PITPNM2: variants seen among roughly 807,000 people sequenced by gnomAD.
The protein encoded by PITPNM2 is phosphatidylinositol transfer protein membrane associated 2.
Under a neutral mutation model 132.2 loss-of-function variants are expected in PITPNM2, and 35 were observed. The observed-to-expected ratio is 0.26, with a 90% CI of 0.20 to 0.35. PITPNM2 has a LOEUF of 0.35. Ranked by LOEUF, PITPNM2 falls within the 10% of genes least tolerant of loss-of-function variation. The pLI is 1.00. For synonymous variants in PITPNM2, 738 were observed against 799.2 expected (o/e 0.92, Z 1.29); for missense variants, 1,332 against 1,912.0 (o/e 0.70, Z 5.66).
rs1464399333 is a variant in PITPNM2 at position 123,004,741 on chromosome 12, A to C, written c.953-252T>G. ...ATGGGTGGGGAAGAGCATGACAGAC[A>C]TAAGCCCAGGACGTGGGGTAAGACA... On this transcript the variant is annotated intron_variant, in intron 7 of 25. Coordinates refer to ENST00000320201, the MANE Select transcript of PITPNM2 (RefSeq NM_020845.3). This position sits in a 1 kb window ranked among gnomAD's most constrained non-coding sequence, Gnocchi z 4.9. 18 of 599,308 alleles carry C rather than the reference A, an allele frequency of 3.0e-5. No homozygotes were observed. In the East Asian group the frequency reaches 5.0e-4, roughly 17 times the overall value. The allele number at this position is 599,308 out of a possible 1,614,324, so 37.1% of individuals were successfully genotyped here.
intron 3 of PITPNM2, among the ~76,000 whole-genome samples, chr12:123,029,641 A>ATGTG (rs10532248): frequency 1.3e-5 from 2 of 151,168 alleles, no homozygotes; most frequent in African/African-American, 4.9e-5. Flanking sequence ...CTTGTGGTGT[A>ATGTG]TGTGTGTGTG....
At chr12:123,142,852 C>CA in intron 1 of PITPNM2, among the ~76,000 whole-genome samples, 1 of 141,634 alleles carries the variant, frequency 7.1e-6, no homozygotes. Flanking sequence ...ATTCTAATTG[C>CA]AAAAAATGTT....
Position 123,139,816 on chromosome 12 carries a change from G to A in PITPNM2, c.-200+10937C>T, listed in dbSNP as rs114471024. ...GAGACCTCATTGTTTGCTTTCTGGG[G>A]AATCCCTGTCCATCCCAGAGGCCAA... On this transcript the variant is annotated intron_variant, in intron 1 of 25. Coordinates refer to ENST00000320201, the MANE Select transcript of PITPNM2 (RefSeq NM_020845.3). 3.0e-3 allele frequency among the ~76,000 whole-genome samples: 460 copies of A among 152,288 alleles called. 4 individuals carry two copies. Among genetic ancestry groups the A allele is most frequent in the African/African-American group, 0.01 (427 of 41,552 alleles).
chr12:123,123,392 G>T (rs937485160), intron 1 of PITPNM2, among the ~76,000 whole-genome samples: 3 of 152,176 alleles, frequency 2.0e-5, no homozygotes, highest in Non-Finnish European at 4.4e-5. Context: ...TGAGAGGACT[G>T]CTTGAAGCCA....
chr12:122,994,770 A>G lies in PITPNM2; in HGVS notation c.2233+31T>C. On this transcript the variant is annotated intron_variant, in intron 15 of 25. Transcript: ENST00000320201. The surrounding 1 kb of genome is among the most constrained non-coding windows in gnomAD (Gnocchi z 5.4). The stretch of plus-strand genomic sequence containing the variant: ...CCCCGCCCCCGCACCCAGTGCATGT[A>G]CCCCCCATCCTGCCCCTGCTGGGCT... 6.3e-7 allele frequency: 1 copy of G among 1,591,926 alleles called. No individual in the cohort carries two copies. The highest frequency in any genetic ancestry group is 8.5e-7 in the Non-Finnish European group (1 of 1,172,026).
rs2037951228 is a variant in PITPNM2 at position 122,986,736 on chromosome 12, G to A, written c.3507C>T (p.Asn1169=). 1.9e-6 allele frequency: 3 copies of A among 1,613,456 alleles called. No individual in the cohort carries two copies. The highest frequency in any genetic ancestry group is 2.7e-5 in the African/African-American group (2 of 74,954). The change falls in exon 24 of 26, where the codon AAC becomes AAT. Residue 1169 remains asparagine, a synonymous_variant. Coordinates refer to ENST00000320201, the MANE Select transcript of PITPNM2 (RefSeq NM_020845.3). ...QRVVAWLAQH[N]FPHGVVSFCD... is the part of the protein sequence containing the mutation. The stretch of plus-strand genomic sequence containing the variant: ...AGAAGGACACCACGCCATGGGGGAA[G>A]TTGTGCTGGGCCAGCCACGCCACCA...
At chr12:123,002,570 A>C (rs2038744175) in intron 8 of PITPNM2, among the ~76,000 whole-genome samples, 1 of 151,954 alleles carries the variant, frequency 6.6e-6, no homozygotes, top group Non-Finnish European at 1.5e-5. Flanking sequence ...GCGCCACGAC[A>C]CTTGGCTAAT....
At chr12:123,017,369 CAAA>C (rs369237271) in intron 3 of PITPNM2, among the ~76,000 whole-genome samples, 3 of 90,674 alleles carry the variant, frequency 3.3e-5, no homozygotes, top group Non-Finnish European at 2.4e-5. Context: ...GACTCCATCT[CAAA>C]AAAAAAAAAA....
At chr12:123,084,727 TA>T (rs1481666631) in intron 2 of PITPNM2, 1 of 152,180 alleles carries the variant, frequency 6.6e-6, no homozygotes, top group African/African-American at 2.4e-5. Context: ...AAAACAAGAA[TA>T]AATCAGTTCT....
At chr12:123,067,726 G>A (rs2041473456) in intron 2 of PITPNM2, among the ~76,000 whole-genome samples, 1 of 152,204 alleles carries the variant, frequency 6.6e-6, no homozygotes, top group Non-Finnish European at 1.5e-5. Context: ...AATTTCTGCT[G>A]TTTAGGCCAT....
rs2041348225 is a variant in PITPNM2 at position 123,064,416 on chromosome 12, G to T, written c.-95-29731C>A. 2.0e-5 allele frequency among the ~76,000 whole-genome samples: 3 copies of T among 152,246 alleles called. No homozygotes were observed. The highest frequency in any genetic ancestry group is 2.0e-4 in the Admixed American group (3 of 15,290). ...CTCAGCCACCACGGGGCACAGGTATGTGCAGGAGCATCAAGACCTGGGCTG... is the reference window on the plus strand; with the variant it reads ...CTCAGCCACCACGGGGCACAGGTATTTGCAGGAGCATCAAGACCTGGGCTG... On this transcript the variant is annotated intron_variant, in intron 2 of 25. Transcript: ENST00000320201. The surrounding 1 kb of genome is among the most constrained non-coding windows in gnomAD (Gnocchi z 4.0).
intron 2 of PITPNM2, among the ~76,000 whole-genome samples, chr12:123,085,538 G>A (rs2137053503): frequency 6.6e-6 from 1 of 152,258 alleles, no homozygotes; most frequent in East Asian, 1.9e-4. Context: ...GTTAGTTAAT[G>A]GGTGCAGTTT....
intron 2 of PITPNM2, among the ~76,000 whole-genome samples, chr12:123,038,516 G>C (rs996453808): frequency 2.6e-5 from 4 of 152,228 alleles, no homozygotes; most frequent in African/African-American, 9.6e-5. Context: ...ATGAAAACAA[G>C]ATAAGTTGCT....
chr12:122,997,542 G>T lies in PITPNM2; in HGVS notation c.1255C>A (p.Pro419Thr). ...AGTAGCAGCACGTGGATCTTGGAGGGCGGTGCAGCCAGCGGCTGGCTAACC... is the reference window on the plus strand; with the variant it reads ...AGTAGCAGCACGTGGATCTTGGAGGTCGGTGCAGCCAGCGGCTGGCTAACC... ...DEVSQPLAAP[P>T]SKIHVLLLVL... Residue 419 changes from proline (P) to threonine (T), a missense_variant, in exon 11 of 26, where the codon CCC becomes ACC. By Grantham distance (38) the Pro-to-Thr change is conservative (BLOSUM62 -1). Coordinates refer to ENST00000320201, the MANE Select transcript of PITPNM2 (RefSeq NM_020845.3). 1 of 1,612,602 alleles carries T rather than the reference G, an allele frequency of 6.2e-7. No individual in the cohort carries two copies. The highest frequency in any genetic ancestry group is 8.5e-7 in the Non-Finnish European group (1 of 1,179,352).
rs2042776214 is a variant in PITPNM2, at chr12:123,108,844, G to A, written c.-96+1541C>T. Among the ~76,000 whole-genome samples, 1 of 152,130 alleles carries A rather than the reference G, an allele frequency of 6.6e-6. No homozygotes were observed. Among genetic ancestry groups the A allele is most frequent in the African/African-American group, 2.4e-5 (1 of 41,434 alleles). On this transcript the variant is annotated intron_variant, in intron 2 of 25. Coordinates refer to ENST00000320201, the MANE Select transcript of PITPNM2 (RefSeq NM_020845.3). The surrounding 1 kb of genome is among the most constrained non-coding windows in gnomAD (Gnocchi z 4.4). ...AGCAAGGATGAGGGCACCCGGAGAA[G>A]GGAAGGGACTTACCCGAGATCAGAC... is the stretch of plus-strand genomic sequence containing the variant.
At position 122,986,449 on chromosome 12, in the gene PITPNM2, T is replaced by A. The variant is rs1453637221; in HGVS notation, c.3713A>T (p.Gln1238Leu). The A allele has an allele frequency of 6.4e-7, 1 of 1,574,406 alleles. No individual in the cohort carries two copies. Among genetic ancestry groups the A allele is most frequent in the South Asian group, 1.2e-5 (1 of 86,338 alleles). ...YIVGRPTKKLQQQCQFITDGY... is the reference protein window; with the variant it reads ...YIVGRPTKKLLQQCQFITDGY... The stretch of plus-strand genomic sequence containing the variant: ...GCGCCCACTCACCTGGCACTGCTGC[T>A]GCAGCTTCTTGGTGGGCCGGCCCAC... The change falls in exon 25 of 26, where the codon CAG becomes CTG. Residue 1238 changes from glutamine to leucine, a missense_variant. Gln to Leu is a moderately radical substitution (Grantham distance 113, BLOSUM62 -2). Coordinates refer to ENST00000320201, the MANE Select transcript of PITPNM2 (RefSeq NM_020845.3).
intron 2 of PITPNM2, among the ~76,000 whole-genome samples, chr12:123,049,292 C>T (rs143096918): frequency 3.3e-5 from 5 of 152,294 alleles, no homozygotes; most frequent in East Asian, 1.9e-4. Context: ...ATGCCTAGGA[C>T]GCCCTTCACC....
At chr12:123,130,707 G>A (rs1020788219) in intron 1 of PITPNM2, among the ~76,000 whole-genome samples, 1 of 152,170 alleles carries the variant, frequency 6.6e-6, no homozygotes, top group Non-Finnish European at 1.5e-5. Context: ...GTGAACCCAG[G>A]AGGCGGAGCT....
In PITPNM2 at chr12:123,108,811, A is replaced by G. The variant is rs1023879654; in HGVS notation, c.-96+1574T>C. 6.6e-6 allele frequency among the ~76,000 whole-genome samples: 1 copy of G among 152,294 alleles called. No individual in the cohort carries two copies. The highest frequency in any genetic ancestry group is 3.4e-3 in the Middle Eastern group (1 of 294). On this transcript the variant is annotated intron_variant, in intron 2 of 25. Transcript: ENST00000320201. The surrounding 1 kb of genome is among the most constrained non-coding windows in gnomAD (Gnocchi z 4.4). ...AAGAGGCCCCATCACAACGTGCCCT[A>G]TCTTCCCAGCAAGGATGAGGGCACC...
Sources: gnomAD v4.1 joint callset for allele counts (sites outside exome capture counted in the v4.1 genomes callset) on GRCh38, gnomAD v4.1.1 for gene constraint, Gnocchi (gnomAD v3.1) non-coding constraint, MANE v1.5 for transcripts, NCBI Gene and HGNC (gene_info 2026-07-23, HGNC 2026-07-21) for gene names.